The following EXOSC10 variants were observed in gnomAD, a reference collection of about 807,000 sequenced individuals.
The protein encoded by EXOSC10 is exosome complex component 10.
EXOSC10 carries 94 observed loss-of-function variants against 126.6 expected under a neutral mutation model. The observed-to-expected ratio is 0.74, with a 90% CI of 0.63 to 0.88. The LOEUF (loss-of-function observed/expected upper bound fraction) is 0.88. Among genes scored for constraint, EXOSC10 ranks in the 40% least tolerant of loss-of-function variants. EXOSC10 has a pLI of 0.00. For synonymous variants in EXOSC10, 395 were observed against 400.8 expected (o/e 0.99, Z 0.17); for missense variants, 1,041 against 1,100.5 (o/e 0.95, Z 0.77).
chr1:11,078,736 C>T (rs1030023022), intron 14 of EXOSC10, among the ~76,000 whole-genome samples: 21 of 152,188 alleles, frequency 1.4e-4, no homozygotes, highest in East Asian at 1.9e-4. Context: ...TCTGGGCCAT[C>T]GCCAGGCTCC....
In EXOSC10 at chr1:11,073,877, CAAAAAAAAA is replaced by C. The variant is rs770965502; in HGVS notation, c.2157+48_2157+56del. The C allele has an allele frequency of 3.5e-5, 19 of 537,692 alleles. 1 individual carries two copies. The highest frequency in any genetic ancestry group is 2.0e-4 in the Admixed American group (4 of 20,444). 33.3% of individuals were successfully genotyped at this position (537,692 alleles called of 1,614,324 possible). The stretch of plus-strand genomic sequence containing the variant: ...TGGGTGACAAAGCGAGACTCCATCT[CAAAAAAAAA>C]AAAAAAAAAAAAAAGTCTCTTTTAG... On this transcript the variant is annotated intron_variant, in intron 19 of 24. Transcript: ENST00000376936.
Position 11,081,216 on chromosome 1 carries a change from T to A in EXOSC10, c.1303A>T (p.Ser435Cys). 1 of 1,614,216 alleles carries A rather than the reference T, an allele frequency of 6.2e-7. No homozygotes were observed. Among genetic ancestry groups the A allele is most frequent in the Non-Finnish European group, 8.5e-7 (1 of 1,180,038 alleles). Residue 435 changes from serine to cysteine, a missense_variant, in exon 11 of 25, where the codon AGC (serine) becomes TGC (cysteine). Coordinates refer to ENST00000376936, the MANE Select transcript of EXOSC10 (RefSeq NM_001001998.3). ...TAATGGGTGTCATCCCGGGCGTAGC[T>A]GAGCATCTCCTCGGGCAGAGGGCTG... The part of the protein sequence containing the change: ...RIRPLPEEML[S>C]YARDDTHYLL...
At chr1:11,079,311 G>A (rs1307931316) in intron 14 of EXOSC10, among the ~76,000 whole-genome samples, 1 of 148,992 alleles carries the variant, frequency 6.7e-6, no homozygotes, top group Non-Finnish European at 1.5e-5. Flanking sequence ...CCTGGAGACA[G>A]AGCGAGACTC....
At chr1:11,099,473 G>A (rs1479296076) in intron 1 of EXOSC10, among the ~76,000 whole-genome samples, 1 of 152,254 alleles carries the variant, frequency 6.6e-6, no homozygotes, top group Non-Finnish European at 1.5e-5. Context: ...CCTTTCCCAG[G>A]ATGCGAGACG....
chr1:11,066,729 G>A lies in EXOSC10; in HGVS notation c.2647C>T (p.Pro883Ser). Residue 883 changes from proline (P) to serine (S), a missense_variant, in exon 25 of 25, where the codon CCA (proline) becomes TCA (serine). Around this residue, in one of 3 missense-constraint regions of EXOSC10, gnomAD observed 388 missense variants for 415.2 expected, o/e 0.93. Transcript: ENST00000376936. The stretch of plus-strand genomic sequence containing the variant: ...CGTGTCTTCCAGGACTATCTCTGTG[G>A]CCAGTTGTACCTGAAGCCTCTGCAG... ...KSDRGFRYNW[P>S]QR The A allele has an allele frequency of 6.2e-7, 1 of 1,614,216 alleles. No homozygotes were observed. The highest frequency in any genetic ancestry group is 8.5e-7 in the Non-Finnish European group (1 of 1,180,014).
chr1:11,097,941 T>C, intron 2 of EXOSC10, 79 bp downstream of exon 2: 3 of 1,360,252 alleles, frequency 2.2e-6, no homozygotes, highest in Non-Finnish European at 1.9e-6. Context: ...TAAGGAAAAA[T>C]AAATTTCAGG....
chr1:11,085,349 T>C (rs1339298847), intron 9 of EXOSC10, among the ~76,000 whole-genome samples: 1 of 152,242 alleles, frequency 6.6e-6, no homozygotes, highest in Non-Finnish European at 1.5e-5. Context: ...TTCACGTCCC[T>C]TGTAAGGTGG....
At chr1:11,090,143 A>G (rs1235531617) in intron 6 of EXOSC10, among the ~76,000 whole-genome samples, 3 of 151,872 alleles carry the variant, frequency 2.0e-5, no homozygotes, top group Non-Finnish European at 4.4e-5. Context: ...GATTACAGGC[A>G]CACACCACCT....
intron 3 of EXOSC10, chr1:11,095,277 T>C (rs2100235896): frequency 6.6e-6 from 1 of 152,164 alleles, no homozygotes; most frequent in East Asian, 1.9e-4. Context: ...GTAATTATTT[T>C]TTAGAAAAAA....
intron 10 of EXOSC10, among the ~76,000 whole-genome samples, chr1:11,081,942 C>T (rs112637679): frequency 0.014 from 2,097 of 151,852 alleles, 66 homozygotes; most frequent in African/African-American, 0.049. Flanking sequence ...ATTAGCTGGG[C>T]GTGGTGGTGC....
Position 11,081,718 on chromosome 1 carries a change from AT to A in EXOSC10, c.1281-481del, listed in dbSNP as rs747233977. On this transcript the variant is annotated intron_variant, in intron 10 of 24. Transcript: ENST00000376936. ...CTCCGTAACAGGGAGTGGTTTTTAG[AT>A]TTTATCAATTTTTATCTTTTATTTG... 5.9e-5 allele frequency among the ~76,000 whole-genome samples: 9 copies of A among 152,322 alleles called. No individual in the cohort carries two copies. In the South Asian group the frequency reaches 1.9e-3, roughly 32 times the overall value.
intron 1 of EXOSC10, among the ~76,000 whole-genome samples, chr1:11,099,406 C>A (rs1039561754): frequency 3.9e-5 from 6 of 152,166 alleles, no homozygotes; most frequent in Admixed American, 2.0e-4. Flanking sequence ...GGTCGGGTGG[C>A]TAGGGCGTGG....
intron 2 of EXOSC10, among the ~76,000 whole-genome samples, chr1:11,096,193 A>G (rs1444493763): frequency 6.6e-6 from 1 of 152,012 alleles, no homozygotes; most frequent in East Asian, 1.9e-4. Context: ...CATGTTGGCC[A>G]GGCTGCTCTC....
chr1:11,094,295 CTTT>C (rs148618446), intron 3 of EXOSC10, among the ~76,000 whole-genome samples: 1 of 140,044 alleles, frequency 7.1e-6, no homozygotes, highest in African/African-American at 2.6e-5. Flanking sequence ...GGCACTTTAA[CTTT>C]TTTTTTTTTT....
rs547589370 is a variant in EXOSC10 at position 11,089,622 on chromosome 1, A to C, written c.758+932T>G. Among the ~76,000 whole-genome samples, 719 of 135,940 alleles carry C rather than the reference A, an allele frequency of 5.3e-3. 3 individuals are homozygous for C. Among genetic ancestry groups the C allele is most frequent in the Non-Finnish European group, 9.2e-3 (573 of 62,342 alleles). The allele number at this position is 135,940 out of a possible 152,430, so 89.2% of individuals were successfully genotyped here. ...AGCAACAAGAGCGAAACTCCGTCCCAAAAAAAAAAAAAAAGAAAGAAAGAA... is the reference window on the plus strand; with the variant it reads ...AGCAACAAGAGCGAAACTCCGTCCCCAAAAAAAAAAAAAAGAAAGAAAGAA... On this transcript the variant is annotated intron_variant, in intron 6 of 24. Coordinates refer to ENST00000376936, the MANE Select transcript of EXOSC10 (RefSeq NM_001001998.3).
At chr1:11,074,091 G>A (rs1041985984) in intron 18 of EXOSC10, 83 bp from the exon 19 acceptor site, 8 of 1,444,442 alleles carry the variant, frequency 5.5e-6, no homozygotes, top group Middle Eastern at 1.7e-4. Context: ...ATGGGGGGTT[G>A]CTGGTGCCTT....
intron 6 of EXOSC10, among the ~76,000 whole-genome samples, chr1:11,089,621 C>CA (rs1228653546): frequency 0.013 from 1,249 of 98,148 alleles, 6 homozygotes; most frequent in Middle Eastern, 0.037. Context: ...AACTCCGTCC[C>CA]AAAAAAAAAA....
intron 1 of EXOSC10, 89 bp downstream of exon 1, chr1:11,099,632 G>A: frequency 7.3e-7 from 1 of 1,374,498 alleles, no homozygotes; most frequent in Non-Finnish European, 9.6e-7. Flanking sequence ...GCTCCACTAC[G>A]GCGGGCGGGC....
At chr1:11,071,299 C>A in intron 20 of EXOSC10, 2 of 328,070 alleles carry the variant, frequency 6.1e-6, no homozygotes, top group Non-Finnish European at 1.1e-5. Context: ...CCTGCTCAAA[C>A]CAGCTACTTT....
Sources: allele counts gnomAD v4.1 joint callset (sites outside exome capture counted in the v4.1 genomes callset), GRCh38; gene constraint gnomAD v4.1.1; regional missense constraint gnomAD v4.1.1; transcripts MANE v1.5; gene names NCBI Gene and HGNC (gene_info 2026-07-23, HGNC 2026-07-21).